AFF2: variants seen among roughly 807,000 people sequenced by gnomAD.
AFF2 encodes AF4/FMR2 family member 2.
A neutral mutation model predicts 76.9 loss-of-function variants in AFF2; 14 were observed. That is an observed-to-expected ratio of 0.18 (90% CI 0.12 to 0.28). The LOEUF (loss-of-function observed/expected upper bound fraction) is 0.28, where lower values mean the gene tolerates loss of function less well. Ranked by LOEUF, AFF2 falls within the 10% of genes least tolerant of loss-of-function variation. The pLI is 1.00. For synonymous variants in AFF2, 398 were observed against 366.7 expected (o/e 1.09, Z -0.98); for missense variants, 868 against 1,001.1 (o/e 0.87, Z 1.79).
intron 1 of AFF2, among the ~76,000 whole-genome samples, chrX:148,584,184 C>T (rs1458416259): frequency 1.8e-5 from 2 of 111,144 alleles, no homozygotes; most frequent in Admixed American, 9.6e-5. Flanking sequence ...AAAAGGTATC[C>T]GGGATCTTAC....
At chrX:148,783,310 G>A (rs377396156) in intron 3 of AFF2, among the ~76,000 whole-genome samples, 7 of 111,411 alleles carry the variant, frequency 6.3e-5, no homozygotes, top group Middle Eastern at 4.6e-3. Context: ...AGGTTTGGGT[G>A]AGGTTTTATG....
At chrX:148,741,777 A>T (rs1557265692) in intron 3 of AFF2, among the ~76,000 whole-genome samples, 1 of 111,099 alleles carries the variant, frequency 9.0e-6, no homozygotes, top group African/African-American at 3.3e-5. Flanking sequence ...GTCAGGCAAG[A>T]ATGGGCTGCT....
At chrX:148,804,701 G>T (rs553008255) in intron 3 of AFF2, among the ~76,000 whole-genome samples, 1 of 112,367 alleles carries the variant, frequency 8.9e-6, no homozygotes, top group Non-Finnish European at 1.9e-5. Context: ...TGGTTAGCTG[G>T]ACCATGTAAC....
intron 3 of AFF2, among the ~76,000 whole-genome samples, chrX:148,794,004 C>T (rs2069934691): frequency 8.9e-6 from 1 of 112,115 alleles, no homozygotes; most frequent in Non-Finnish European, 1.9e-5. Flanking sequence ...CATGTATTAC[C>T]TGTCCTTCCC....
chrX:148,794,288 A>G (rs1557270202), intron 3 of AFF2, among the ~76,000 whole-genome samples: 1 of 112,339 alleles, frequency 8.9e-6, no homozygotes, highest in African/African-American at 3.2e-5. Flanking sequence ...TGGCTCCAGT[A>G]AGCTCATTTC....
chrX:148,722,938 C>A (rs903742042), intron 3 of AFF2, among the ~76,000 whole-genome samples: 7 of 111,066 alleles, frequency 6.3e-5, no homozygotes, highest in Non-Finnish European at 1.9e-5. Flanking sequence ...ATTACCTTCT[C>A]CAGGAAGCCC....
In AFF2 at chrX:148,500,915, G is replaced by C. The variant is rs2052339658; in HGVS notation, c.-183G>C. On this transcript the variant is annotated 5_prime_UTR_variant, in exon 1 of 21. Transcript: ENST00000370460. ...TGCCACTGCCGCCGCTTCCTCGCCG[G>C]AGCACAGGACCAGACACCTCCAGCG... 8 of 487,003 alleles carry C rather than the reference G, an allele frequency of 1.6e-5. No homozygotes were observed. The highest frequency in any genetic ancestry group is 2.6e-5 in the African/African-American group (1 of 38,386). The allele number at this position is 487,003 out of a possible 1,213,427, so 40.1% of individuals were successfully genotyped here.
chrX:148,981,006 T>G (rs1342203896), intron 19 of AFF2, among the ~76,000 whole-genome samples: 1 of 112,008 alleles, frequency 8.9e-6, no homozygotes, highest in Non-Finnish European at 1.9e-5. Flanking sequence ...TAAGCCAAAT[T>G]ATAGCCATAA....
At chrX:148,599,417 C>G (rs1411684530) in intron 1 of AFF2, among the ~76,000 whole-genome samples, 2 of 111,617 alleles carry the variant, frequency 1.8e-5, no homozygotes, top group Non-Finnish European at 3.8e-5. Context: ...TCAATTCAAG[C>G]CATATGGCTT....
At chrX:148,603,738 GT>G (rs1254510050) in intron 1 of AFF2, among the ~76,000 whole-genome samples, 13 of 103,194 alleles carry the variant, frequency 1.3e-4, no homozygotes, top group African/African-American at 2.4e-4. Flanking sequence ...CAGCATTTTT[GT>G]TTTTTTTTTC....
In AFF2 at chrX:148,500,694, G is replaced by GCC. The variant is rs2052334024; in HGVS notation, c.-404_-403insCC. 1.6e-4 allele frequency: 8 copies of GCC among 51,073 alleles called. No homozygotes were observed. The highest frequency in any genetic ancestry group is 2.4e-4 in the Non-Finnish European group (6 of 25,303). The allele number at this position is 51,073 out of a possible 1,213,427, so 4.2% of individuals were successfully genotyped here. A position where few individuals can be genotyped will look rare whatever the true frequency, so the allele number is the denominator to read the frequency against. On this transcript the variant is annotated 5_prime_UTR_variant, in exon 1 of 21. Transcript: ENST00000370460. Reference sequence around the variant, plus strand: ...CCGCCGCCGCCGCCGCTGCCGCCCCGGCTGCCGCGCCGCGCCGCTGCCTCT... The same window carrying GCC: ...CCGCCGCCGCCGCCGCTGCCGCCCCGCCGCTGCCGCGCCGCGCCGCTGCCTCT...
rs1301198144 is a variant in AFF2, at chrX:148,507,139, A to G, written c.47+5995A>G. ...GCAAATGCAGGTCTCTTTCAAGGAT[A>G]GTTACTTACTAAATCCTAGTGATAA... On this transcript the variant is annotated intron_variant, in intron 1 of 20. Transcript: ENST00000370460. Among the ~76,000 whole-genome samples, 3 of 112,352 alleles carry G rather than the reference A, an allele frequency of 2.7e-5. No individual in the cohort carries two copies. In the Admixed American group the frequency reaches 2.8e-4, roughly 11 times the overall value.
intron 18 of AFF2, 46 bp downstream of exon 18, chrX:148,978,501 A>T: frequency 1.1e-6 from 1 of 886,680 alleles, no homozygotes; most frequent in Non-Finnish European, 1.6e-6. Flanking sequence ...TGATAAAATC[A>T]CTAATAAGAC....
At chrX:148,522,759 G>GA (rs1386018216) in intron 1 of AFF2, among the ~76,000 whole-genome samples, 11 of 110,776 alleles carry the variant, frequency 9.9e-5, no homozygotes, top group South Asian at 3.7e-4. Flanking sequence ...CTCCAGTTTT[G>GA]AAAAAAAACT....
chrX:148,898,319 T>C (rs1412747818), intron 8 of AFF2, among the ~76,000 whole-genome samples: 1 of 112,050 alleles, frequency 8.9e-6, no homozygotes, highest in Non-Finnish European at 1.9e-5. Flanking sequence ...CAATGAGCAA[T>C]GGGAAGCCAT....
intron 1 of AFF2, among the ~76,000 whole-genome samples, chrX:148,647,857 GTC>G (rs782022530): frequency 4.5e-5 from 5 of 111,146 alleles, no homozygotes; most frequent in African/African-American, 6.6e-5. Flanking sequence ...GTTATAAACA[GTC>G]TCTGTTGTAA....
At chrX:148,875,157 A>T (rs1167550856) in intron 7 of AFF2, among the ~76,000 whole-genome samples, 1 of 112,094 alleles carries the variant, frequency 8.9e-6, no homozygotes, top group Non-Finnish European at 1.9e-5. Flanking sequence ...TGCATGCCTC[A>T]TACTGTTACT....
chrX:148,968,287 C>T (rs2072206111), intron 15 of AFF2, among the ~76,000 whole-genome samples: 1 of 111,615 alleles, frequency 9.0e-6, no homozygotes, highest in African/African-American at 3.3e-5. Flanking sequence ...ATAAGCTCAA[C>T]ATTTTGAGTT....
At chrX:148,723,926 T>C (rs1396764066) in intron 3 of AFF2, among the ~76,000 whole-genome samples, 12 of 105,498 alleles carry the variant, frequency 1.1e-4, no homozygotes, top group Non-Finnish European at 1.8e-4. Context: ...TTTCTTTTTT[T>C]TTTTTTTTGG....
Sources: allele counts gnomAD v4.1 joint callset (sites outside exome capture counted in the v4.1 genomes callset), GRCh38; gene constraint gnomAD v4.1.1; transcripts MANE v1.5; gene names NCBI Gene and HGNC (gene_info 2026-07-23, HGNC 2026-07-21).